The following RALGPS1 variants were observed in gnomAD, a reference collection of about 807,000 sequenced individuals.
The protein encoded by RALGPS1 is ras-specific guanine nucleotide-releasing factor RalGPS1.
In RALGPS1, 19 loss-of-function variants were observed where a neutral mutation model predicts 78.8. The observed-to-expected ratio is 0.24, with a 90% CI of 0.17 to 0.35. The LOEUF is 0.35. Ranked by LOEUF, RALGPS1 falls within the 10% of genes least tolerant of loss-of-function variation. RALGPS1 has a pLI of 1.00. For missense variants in RALGPS1, 454 were observed against 688.3 expected (o/e 0.66, Z 3.81); for synonymous variants, 228 against 256.3 (o/e 0.89, Z 1.06).
Position 127,195,142 on chromosome 9 carries a change from C to T in RALGPS1, c.962C>T (p.Pro321Leu). The change falls in exon 12 of 19, where the codon CCT becomes CTT. Residue 321 changes from proline (P) to leucine (L), a missense_variant. Transcript: ENST00000259351. Reference sequence around the variant, plus strand: ...AGGTTCAGCCGGAGGCCCACCTGTCCTGACACATCTGTTGCTGGCAGCCTC... The same window carrying T: ...AGGTTCAGCCGGAGGCCCACCTGTCTTGACACATCTGTTGCTGGCAGCCTC... The part of the protein sequence containing the change: ...SARFSRRPTC[P>L]DTSVAGSLPT... 6.2e-7 allele frequency: 1 copy of T among 1,613,446 alleles called. No individual in the cohort carries two copies. Among genetic ancestry groups the T allele is most frequent in the Non-Finnish European group, 8.5e-7 (1 of 1,179,998 alleles).
At chr9:126,982,651 T>C (rs2132865102) in intron 4 of RALGPS1, among the ~76,000 whole-genome samples, 1 of 152,278 alleles carries the variant, frequency 6.6e-6, no homozygotes, top group East Asian at 1.9e-4. Context: ...TTTCCCTTTA[T>C]GTCAGTCTCT....
At chr9:126,976,471 T>C (rs1300504930) in intron 3 of RALGPS1, among the ~76,000 whole-genome samples, 10 of 152,048 alleles carry the variant, frequency 6.6e-5, no homozygotes, top group Non-Finnish European at 1.3e-4. Context: ...CACTGTCTTA[T>C]GTGTTTATTG....
intron 17 of RALGPS1, 111 bp downstream of exon 17, chr9:127,213,160 T>G (rs756387921): frequency 8.0e-6 from 12 of 1,500,642 alleles, no homozygotes; most frequent in Non-Finnish European, 1.1e-5. Context: ...GCCTTCCCTT[T>G]GCTTTAGATT....
At chr9:127,098,882 C>A (rs1316203709) in intron 8 of RALGPS1, among the ~76,000 whole-genome samples, 2 of 152,264 alleles carry the variant, frequency 1.3e-5, no homozygotes, top group Non-Finnish European at 2.9e-5. Flanking sequence ...AGACCAGCAT[C>A]AGCCTGATTT....
chr9:127,214,057 G>C (rs760927850), intron 17 of RALGPS1: 1 of 152,226 alleles, frequency 6.6e-6, no homozygotes, highest in Non-Finnish European at 1.5e-5. Flanking sequence ...AGTGTGTCCT[G>C]AGTTTGGATA....
chr9:127,097,735 C>T (rs150901008), intron 8 of RALGPS1, among the ~76,000 whole-genome samples: 125 of 152,276 alleles, frequency 8.2e-4, no homozygotes, highest in African/African-American at 3.0e-3. Flanking sequence ...AAATAATGCC[C>T]TCGTAGGGGG....
At position 127,205,068 on chromosome 9, in the gene RALGPS1, G is replaced by A. The variant is rs1361989622; in HGVS notation, c.1247+6002G>A. Among the ~76,000 whole-genome samples the A allele has an allele frequency of 6.6e-6, 1 of 152,240 alleles. No homozygotes were observed. Among genetic ancestry groups the A allele is most frequent in the Non-Finnish European group, 1.5e-5 (1 of 68,042 alleles). On this transcript the variant is annotated intron_variant, in intron 14 of 18. Transcript: ENST00000259351. This position sits in a 1 kb window ranked among gnomAD's most constrained non-coding sequence, Gnocchi z 4.0. ...CTCACTGTCCCCCACACCTGTGGCT[G>A]AGGCCAGGATCCCAGGCTCTCATTC...
chr9:127,115,668 T>C (rs541250834), intron 8 of RALGPS1, among the ~76,000 whole-genome samples: 38 of 152,338 alleles, frequency 2.5e-4, no homozygotes, highest in African/African-American at 7.9e-4. Context: ...AAGGTGCTTG[T>C]TTGTTTAATG....
intron 4 of RALGPS1, among the ~76,000 whole-genome samples, chr9:126,980,514 C>A (rs551938170): frequency 8.4e-4 from 128 of 152,298 alleles, no homozygotes; most frequent in African/African-American, 3.1e-3. Context: ...TAGTGGTTCC[C>A]AGTTGGATGA....
intron 4 of RALGPS1, chr9:126,989,990 G>T: frequency 6.4e-7 from 1 of 1,550,446 alleles, no homozygotes; most frequent in South Asian, 1.2e-5. Context: ...CTGCCTGTGG[G>T]TCCAGGAACC....
rs1274757272 is a variant in RALGPS1, at chr9:126,932,835, T to A, written c.-66+17860T>A. The stretch of plus-strand genomic sequence containing the variant: ...TGTTAGAGGTGCTTTGCTTAATATT[T>A]TTTAACTGTTGGTCGTGAAGGATCG... On this transcript the variant is annotated intron_variant, in intron 1 of 18. Transcript: ENST00000259351. Among the ~76,000 whole-genome samples, 3 of 152,232 alleles carry A rather than the reference T, an allele frequency of 2.0e-5. No individual in the cohort carries two copies. The East Asian group carries it at 5.8e-4, about 29-fold the overall frequency.
chr9:126,937,181 A>G (rs865805372), intron 1 of RALGPS1, among the ~76,000 whole-genome samples: 3 of 152,294 alleles, frequency 2.0e-5, no homozygotes, highest in Middle Eastern at 3.4e-3. Flanking sequence ...TTTAATCTCA[A>G]TGGATTAAAC....
At chr9:127,055,857 C>T (rs549259529) in intron 7 of RALGPS1, among the ~76,000 whole-genome samples, 1 of 152,318 alleles carries the variant, frequency 6.6e-6, no homozygotes, top group East Asian at 1.9e-4. Flanking sequence ...GGTTGGTAGA[C>T]TACCAGTGCC....
chr9:127,121,009 G>A (rs1051393419), intron 8 of RALGPS1, among the ~76,000 whole-genome samples: 5 of 150,680 alleles, frequency 3.3e-5, no homozygotes, highest in African/African-American at 1.2e-4. Flanking sequence ...GTAGGGTGTG[G>A]TTGAGTGGCT....
rs551847491 is a variant in RALGPS1 at position 127,200,029 on chromosome 9, CAT to C, written c.1247+964_1247+965del. Among the ~76,000 whole-genome samples the C allele has an allele frequency of 1.9e-3, 295 of 152,290 alleles. 1 individual carries two copies. The highest frequency in any genetic ancestry group is 6.8e-3 in the Middle Eastern group (2 of 294). On this transcript the variant is annotated intron_variant, in intron 14 of 18. Transcript: ENST00000259351. ...TCACGTACACAGGCACACGCTCACA[CAT>C]GTGCTTGTGTATACATTCATATAAC...
intron 11 of RALGPS1, among the ~76,000 whole-genome samples, chr9:127,194,155 A>G (rs561592348): frequency 6.6e-6 from 1 of 152,338 alleles, no homozygotes; most frequent in East Asian, 1.9e-4. Context: ...CTAACTATGA[A>G]AGTCTGCGTA....
chr9:127,048,083 A>T (rs2047974493), intron 5 of RALGPS1, among the ~76,000 whole-genome samples: 1 of 151,946 alleles, frequency 6.6e-6, no homozygotes, highest in Admixed American at 6.6e-5. Context: ...CCCTGCTCAG[A>T]AGCCTCTGAA....
intron 10 of RALGPS1, among the ~76,000 whole-genome samples, chr9:127,169,461 T>A (rs1198400677): frequency 6.6e-6 from 1 of 152,088 alleles, no homozygotes; most frequent in Non-Finnish European, 1.5e-5. Flanking sequence ...AAAAGAAGGA[T>A]TTTTTTCGTG....
rs1043831552 is a variant in RALGPS1, at chr9:127,222,241, A to G, written c.*3472A>G. The G allele has an allele frequency of 6.6e-6, 1 of 152,226 alleles. No individual in the cohort carries two copies. Among genetic ancestry groups the G allele is most frequent in the African/African-American group, 2.4e-5 (1 of 41,440 alleles). 9.4% of individuals were successfully genotyped at this position (152,226 alleles called of 1,614,324 possible). On this transcript the variant is annotated 3_prime_UTR_variant, in exon 19 of 19. Transcript: ENST00000259351. ...CTTTGCCTCTCTCCTAGTCCTGAGTATAAATCCTGTGCATAGATTCCTCTA... is the reference window on the plus strand; with the variant it reads ...CTTTGCCTCTCTCCTAGTCCTGAGTGTAAATCCTGTGCATAGATTCCTCTA...
Sources: gnomAD v4.1 joint callset for allele counts (sites outside exome capture counted in the v4.1 genomes callset) on GRCh38, gnomAD v4.1.1 for gene constraint, Gnocchi (gnomAD v3.1) non-coding constraint, MANE v1.5 for transcripts, NCBI Gene and HGNC (gene_info 2026-07-23, HGNC 2026-07-21) for gene names.